Variants in CPNE4 observed in about 807,000 individuals in gnomAD.
CPNE4 encodes the protein copine-4.
A neutral mutation model predicts 67.9 loss-of-function variants in CPNE4; 25 were observed. The ratio of observed to expected loss-of-function variants is 0.37; its 90% CI spans 0.27 to 0.51. The LOEUF is 0.51. Among genes scored for constraint, CPNE4 ranks in the 20% least tolerant of loss-of-function variants. The pLI is 0.93. For synonymous variants in CPNE4, 242 were observed against 244.9 expected, an observed-to-expected ratio of 0.99 and a Z score of 0.11; for missense variants, 464 against 690.8, an observed-to-expected ratio of 0.67 and a Z score of 3.68.
In CPNE4 at chr3:131,535,095, T is replaced by G; in HGVS notation, c.*100A>C. On this transcript the variant is annotated 3_prime_UTR_variant, in exon 16 of 16. Transcript: ENST00000429747. ...AAAACGTGCTATTTTTAAATGTGTATATGTTGTTGGTTTTTTAAAGTACAG... is the reference window on the plus strand; with the variant it reads ...AAAACGTGCTATTTTTAAATGTGTAGATGTTGTTGGTTTTTTAAAGTACAG... The G allele has an allele frequency of 1.6e-6, 2 of 1,250,912 alleles. No homozygotes were observed. Among genetic ancestry groups the G allele is most frequent in the Non-Finnish European group, 2.2e-6 (2 of 913,096 alleles). The allele number at this position is 1,250,912 out of a possible 1,614,324, so 77.5% of individuals were successfully genotyped here. A position where few individuals can be genotyped will look rare whatever the true frequency, so the allele number is the denominator to read the frequency against.
chr3:131,890,155 T>C (rs1320632806), intron 2 of CPNE4, among the ~76,000 whole-genome samples: 1 of 152,128 alleles, frequency 6.6e-6, no homozygotes, highest in Non-Finnish European at 1.5e-5. Flanking sequence ...AGGGAATCTA[T>C]GATATGTGAT....
At chr3:131,889,130 G>A (rs1026640805) in intron 2 of CPNE4, among the ~76,000 whole-genome samples, 1 of 152,082 alleles carries the variant, frequency 6.6e-6, no homozygotes, top group Admixed American at 6.6e-5. Flanking sequence ...TAATTCATAA[G>A]CATCATCTCA....
intron 1 of CPNE4, among the ~76,000 whole-genome samples, chr3:131,996,153 C>A (rs570604505): frequency 5.3e-5 from 8 of 152,070 alleles, no homozygotes; most frequent in Admixed American, 2.6e-4. Context: ...CGATAAAATG[C>A]TGTCTGTGTT....
chr3:131,700,603 C>T (rs1306900457), intron 3 of CPNE4, among the ~76,000 whole-genome samples: 1 of 152,148 alleles, frequency 6.6e-6, no homozygotes, highest in Non-Finnish European at 1.5e-5. Context: ...TTCTCTTTTT[C>T]CTCTTTCTTC....
chr3:131,847,028 A>G (rs1483829449), intron 2 of CPNE4, among the ~76,000 whole-genome samples: 1 of 152,206 alleles, frequency 6.6e-6, no homozygotes, highest in East Asian at 1.9e-4. Flanking sequence ...AAGAGCATGA[A>G]GGATGATGAT....
chr3:131,938,216 G>A (rs2107848108), intron 1 of CPNE4, among the ~76,000 whole-genome samples: 1 of 152,036 alleles, frequency 6.6e-6, no homozygotes, highest in South Asian at 2.1e-4. Context: ...AATTAGCTGG[G>A]CATGGTGGTG....
At chr3:132,001,079 G>T (rs1000243053) in intron 1 of CPNE4, among the ~76,000 whole-genome samples, 1 of 151,822 alleles carries the variant, frequency 6.6e-6, no homozygotes, top group Non-Finnish European at 1.5e-5. Context: ...GTCCAATTTT[G>T]GTCTCTCTAC....
At chr3:131,954,918 C>G (rs2071896578) in intron 1 of CPNE4, among the ~76,000 whole-genome samples, 2 of 148,444 alleles carry the variant, frequency 1.3e-5, no homozygotes. Context: ...GGGTTGGTTC[C>G]AAGTCTTTGC....
intron 7 of CPNE4, among the ~76,000 whole-genome samples, chr3:131,614,442 G>T (rs1318871704): frequency 6.6e-6 from 1 of 152,180 alleles, no homozygotes; most frequent in Non-Finnish European, 1.5e-5. Context: ...GATTTGTTGT[G>T]CATCCTTATT....
intron 2 of CPNE4, among the ~76,000 whole-genome samples, chr3:131,881,008 G>C (rs549066560): frequency 1.3e-5 from 2 of 152,126 alleles, no homozygotes; most frequent in African/African-American, 4.8e-5. Context: ...GCCTTGTACT[G>C]CTTGAAATTG....
chr3:132,032,393 T>C (rs868219969), intron 1 of CPNE4, among the ~76,000 whole-genome samples: 3 of 152,182 alleles, frequency 2.0e-5, no homozygotes, highest in East Asian at 1.9e-4. Context: ...GGTTCAATTA[T>C]AGGCAATCTC....
intron 2 of CPNE4, among the ~76,000 whole-genome samples, chr3:131,902,277 A>G (rs2088582706): frequency 6.6e-6 from 1 of 152,118 alleles, no homozygotes; most frequent in African/African-American, 2.4e-5. Flanking sequence ...CAAGGTTCTT[A>G]TCACTGTGCA....
At chr3:131,961,096 A>G (rs150404887) in intron 1 of CPNE4, among the ~76,000 whole-genome samples, 1 of 152,334 alleles carries the variant, frequency 6.6e-6, no homozygotes, top group East Asian at 1.9e-4. Flanking sequence ...AACCAAGACT[A>G]AAATCCTGAT....
In CPNE4 at chr3:131,535,106, T is replaced by C. The variant is rs1935059184; in HGVS notation, c.*89A>G. On this transcript the variant is annotated 3_prime_UTR_variant, in exon 16 of 16. Coordinates refer to ENST00000429747, the MANE Select transcript of CPNE4 (RefSeq NM_130808.3). The stretch of plus-strand genomic sequence containing the variant: ...TTTTTAAATGTGTATATGTTGTTGG[T>C]TTTTTAAAGTACAGGAGTAGTAGAA... 3 of 1,361,762 alleles carry C rather than the reference T, an allele frequency of 2.2e-6. No homozygotes were observed. The highest frequency in any genetic ancestry group is 9.9e-7 in the Non-Finnish European group (1 of 1,012,198). The allele number at this position is 1,361,762 out of a possible 1,614,324, so 84.4% of individuals were successfully genotyped here.
chr3:131,752,528 C>T (rs1195105246), intron 2 of CPNE4, among the ~76,000 whole-genome samples: 1 of 152,106 alleles, frequency 6.6e-6, no homozygotes, highest in Non-Finnish European at 1.5e-5. Context: ...ATGTCATTTT[C>T]TTTGGGTCTC....
intron 1 of CPNE4, among the ~76,000 whole-genome samples, chr3:131,991,440 G>C (rs1043508835): frequency 7.3e-6 from 1 of 136,128 alleles, no homozygotes; most frequent in Non-Finnish European, 1.7e-5. Flanking sequence ...TGGAGCATAG[G>C]TGACTCTTTC....
chr3:131,916,643 T>A (rs1279877427), intron 1 of CPNE4, among the ~76,000 whole-genome samples: 1 of 152,256 alleles, frequency 6.6e-6, no homozygotes, highest in East Asian at 1.9e-4. Flanking sequence ...GAGCACAATC[T>A]CTAGTTCAGC....
chr3:132,014,435 G>A (rs543669314), intron 1 of CPNE4, among the ~76,000 whole-genome samples: 10 of 152,252 alleles, frequency 6.6e-5, no homozygotes, highest in South Asian at 6.2e-4. Context: ...GGCTAGGGTC[G>A]CCTGAGGAGG....
At chr3:131,760,613 T>C (rs1476276018) in intron 2 of CPNE4, among the ~76,000 whole-genome samples, 1 of 152,192 alleles carries the variant, frequency 6.6e-6, no homozygotes, top group Non-Finnish European at 1.5e-5. Context: ...GTCACCCTTA[T>C]GGTACAGGGT....
Sources: gnomAD v4.1 joint callset for allele counts (sites outside exome capture counted in the v4.1 genomes callset) on GRCh38, gnomAD v4.1.1 for gene constraint, MANE v1.5 for transcripts, NCBI Gene and HGNC (gene_info 2026-07-23, HGNC 2026-07-21) for gene names.